Variants in NBPF11 observed in about 807,000 individuals in gnomAD.
The protein encoded by NBPF11 is NBPF family member NBPF11.
NBPF11 carries 72 observed loss-of-function variants against 93.9 expected under a neutral mutation model. The ratio of observed to expected loss-of-function variants is 0.77; its 90% CI spans 0.63 to 0.93. The LOEUF is 0.93. Among genes scored for constraint, NBPF11 ranks in the 40% least tolerant of loss-of-function variants. The probability of loss-of-function intolerance (pLI) is 0.00; values close to 1 mark genes in which losing one functional copy is unlikely to be tolerated. For missense variants in NBPF11, 705 were observed against 802.2 expected (o/e 0.88, Z 1.46); for synonymous variants, 224 against 304.9 (o/e 0.73, Z 2.76).
chr1:148,116,458 G>A lies in NBPF11; in HGVS notation c.1379+5C>T. 1 of 744,796 alleles carries A rather than the reference G, an allele frequency of 1.3e-6. No homozygotes were observed. The highest frequency in any genetic ancestry group is 2.4e-6 in the Non-Finnish European group (1 of 408,676). 46.1% of individuals were successfully genotyped at this position (744,796 alleles called of 1,614,324 possible). ...CATTAATTGTTCCTGAGTATTCAGT[G>A]TTACCTGGGGGAAGACGATTTCTGC... On this transcript the variant is annotated splice_donor_5th_base_variant and intron_variant, in intron 13 of 23. Coordinates refer to ENST00000682118, the MANE Select transcript of NBPF11 (RefSeq NM_001385469.3).
rs1448917810 is a variant in NBPF11 at position 148,108,878 on chromosome 1, C to CACAG, written c.1854-225_1854-224insCTGT. Among the ~76,000 whole-genome samples the CACAG allele has an allele frequency of 3.5e-5, 5 of 143,938 alleles. 1 individual carries two copies. The highest frequency in any genetic ancestry group is 1.3e-4 in the African/African-American group (5 of 39,238). 94.4% of individuals were successfully genotyped at this position (143,938 alleles called of 152,430 possible). ...ACACACACACACACACACACACACA[C>CACAG]ACACACACACACAGTGTGAGCTCAG... On this transcript the variant is annotated intron_variant, in intron 17 of 23. Coordinates refer to ENST00000682118, the MANE Select transcript of NBPF11 (RefSeq NM_001385469.3).
chr1:148,108,765 A>G, intron 17 of NBPF11, 111 bp from the exon 18 acceptor site: 1 of 748,394 alleles, frequency 1.3e-6, no homozygotes, highest in South Asian at 1.4e-5. Flanking sequence ...AAAAGGACAG[A>G]TCCATTAATG....
chr1:148,140,804 CA>C (rs1213063485), intron 2 of NBPF11, among the ~76,000 whole-genome samples: 1 of 151,534 alleles, frequency 6.6e-6, no homozygotes, highest in East Asian at 1.9e-4. Context: ...TAGTGGAAAT[CA>C]AAAGTGTAGT....
rs1553272501 is a variant in NBPF11, at chr1:148,124,750, T to A, written c.278+149A>T. 144 of 653,666 alleles carry A rather than the reference T, an allele frequency of 2.2e-4. No homozygotes were observed. The African/African-American group carries it at 2.4e-3, about 11-fold the overall frequency. 40.5% of individuals were successfully genotyped at this position (653,666 alleles called of 1,614,324 possible). A position where few individuals can be genotyped will look rare whatever the true frequency, so the allele number is the denominator to read the frequency against. On this transcript the variant is annotated intron_variant, in intron 6 of 23. Coordinates refer to ENST00000682118, the MANE Select transcript of NBPF11 (RefSeq NM_001385469.3). ...ACAGAACTTATTATTATCCTTGTTC[T>A]CTGATAAATATTTGTGTGTCATGAG...
intron 4 of NBPF11, chr1:148,129,347 C>G (rs1292957757): frequency 3.4e-5 from 5 of 149,040 alleles, no homozygotes; most frequent in Admixed American, 3.3e-4. Context: ...AGTGGCGGAG[C>G]GAGGGCTACT....
chr1:148,137,871 C>T (rs1454947387), intron 2 of NBPF11, 62 bp from the exon 3 acceptor site: 4 of 143,120 alleles, frequency 2.8e-5, no homozygotes, highest in Non-Finnish European at 6.1e-5. Context: ...GTGGGCGTTT[C>T]TCGTTAGGTG....
intron 11 of NBPF11, among the ~76,000 whole-genome samples, chr1:148,117,997 G>A (rs1365710471): frequency 1.3e-5 from 2 of 151,672 alleles, no homozygotes; most frequent in Non-Finnish European, 2.9e-5. Context: ...CAAGATCCTC[G>A]ATGATGTTCC....
At position 148,102,571 on chromosome 1, in the gene NBPF11, A is replaced by G. The variant is rs1662578022; in HGVS notation, c.*1325T>C. 1 of 151,476 alleles carries G rather than the reference A, an allele frequency of 6.6e-6. No homozygotes were observed. Among genetic ancestry groups the G allele is most frequent in the Non-Finnish European group, 1.5e-5 (1 of 68,016 alleles). The allele number at this position is 151,476 out of a possible 1,614,324, so 9.4% of individuals were successfully genotyped here. A position where few individuals can be genotyped will look rare whatever the true frequency, so the allele number is the denominator to read the frequency against. On this transcript the variant is annotated 3_prime_UTR_variant, in exon 24 of 24. Coordinates refer to ENST00000682118, the MANE Select transcript of NBPF11 (RefSeq NM_001385469.3). Reference sequence around the variant, plus strand: ...TGGAAACTCACAGCATTGTCTCTGCAGTGTTCCCGTCAAAAAGTTTAGGCT... The same window carrying G: ...TGGAAACTCACAGCATTGTCTCTGCGGTGTTCCCGTCAAAAAGTTTAGGCT...
At chr1:148,123,682 C>T (rs1398514645) in intron 7 of NBPF11, among the ~76,000 whole-genome samples, 171 bp downstream of exon 7, 1 of 151,988 alleles carries the variant, frequency 6.6e-6, no homozygotes, top group Non-Finnish European at 1.5e-5. Context: ...GACCTCCAAA[C>T]CGATGGGTTT....
intron 1 of NBPF11, among the ~76,000 whole-genome samples, chr1:148,148,820 G>A (rs1647421047): frequency 6.6e-6 from 1 of 151,858 alleles, no homozygotes; most frequent in Non-Finnish European, 1.5e-5. Flanking sequence ...ACAGTTCCCA[G>A]TGTGCACCTA....
At chr1:148,146,449 C>T in intron 1 of NBPF11, 1 of 1,604,512 alleles carries the variant, frequency 6.2e-7, no homozygotes, top group South Asian at 1.1e-5. Context: ...CCCTCCCTGC[C>T]CCGGCCGCAT....
chr1:148,125,576 TGA>T (rs1161585732), intron 5 of NBPF11, among the ~76,000 whole-genome samples: 1 of 152,072 alleles, frequency 6.6e-6, no homozygotes, highest in African/African-American at 2.4e-5. Context: ...TTTATTAGTA[TGA>T]GAGGCAGCAT....
chr1:148,132,097 T>C (rs1270125805), intron 4 of NBPF11, among the ~76,000 whole-genome samples: 1 of 147,422 alleles, frequency 6.8e-6, no homozygotes, highest in South Asian at 2.2e-4. Context: ...AATTGTTTCA[T>C]TGTGCTGTTT....
intron 1 of NBPF11, chr1:148,149,100 G>C (rs1423738964): frequency 2.7e-6 from 4 of 1,479,584 alleles, no homozygotes; most frequent in African/African-American, 1.4e-5. Flanking sequence ...GGGGACGCCC[G>C]CTGGTGGGAA....
Position 148,120,565 on chromosome 1 carries a change from G to T in NBPF11, c.924C>A (p.Ser308Arg). The T allele has an allele frequency of 1.6e-6, 2 of 1,233,896 alleles. No homozygotes were observed. The highest frequency in any genetic ancestry group is 2.4e-6 in the Non-Finnish European group (2 of 833,900). 76.4% of individuals were successfully genotyped at this position (1,233,896 alleles called of 1,614,324 possible). A position where few individuals can be genotyped will look rare whatever the true frequency, so the allele number is the denominator to read the frequency against. Residue 308 changes from serine (S) to arginine (R), a missense_variant, in exon 10 of 24, where the codon AGC becomes AGA. Ser to Arg is a moderately radical substitution (Grantham distance 110). Coordinates refer to ENST00000682118, the MANE Select transcript of NBPF11 (RefSeq NM_001385469.3). Reference protein sequence around the residue: ...QLAEKKQQFRSLKEKCFVTQV... With the variant: ...QLAEKKQQFRRLKEKCFVTQV... ...GAGTTACAAAACATTTCTCTTTGAG[G>T]CTTCTGAACTGCTGTTTCTTCTCTG...
chr1:148,149,194 C>A, intron 1 of NBPF11: 2 of 1,576,144 alleles, frequency 1.3e-6, no homozygotes, highest in Non-Finnish European at 1.7e-6. Flanking sequence ...TCATCCTGTA[C>A]GGGCAGAGCA....
At chr1:148,127,841 A>T in intron 4 of NBPF11, among the ~76,000 whole-genome samples, 1 of 149,642 alleles carries the variant, frequency 6.7e-6, no homozygotes. Context: ...TATTTTTAGT[A>T]GAGACGGGGT....
chr1:148,149,525 C>T (rs1474689882), intron 1 of NBPF11: 7 of 1,593,688 alleles, frequency 4.4e-6, no homozygotes, highest in South Asian at 1.1e-5. Flanking sequence ...GGAGCGCCTG[C>T]GTCGCTTCAT....
chr1:148,109,179 G>C lies in NBPF11; in HGVS notation c.1853+105C>G, dbSNP rs1209283037. On this transcript the variant is annotated intron_variant, in intron 17 of 23. Coordinates refer to ENST00000682118, the MANE Select transcript of NBPF11 (RefSeq NM_001385469.3). Reference sequence around the variant, plus strand: ...AATGCAGTAGGCATAATTCAGACTTGTCTGACAAGACAAAATCATGATTTT... The same window carrying C: ...AATGCAGTAGGCATAATTCAGACTTCTCTGACAAGACAAAATCATGATTTT... 62 of 912,198 alleles carry C rather than the reference G, an allele frequency of 6.8e-5. 1 individual carries two copies. In the African/African-American group the frequency reaches 8.9e-4, roughly 13 times the overall value. 56.5% of individuals were successfully genotyped at this position (912,198 alleles called of 1,614,324 possible).
Sources: gnomAD v4.1 joint callset for allele counts (sites outside exome capture counted in the v4.1 genomes callset) on GRCh38, gnomAD v4.1.1 for gene constraint, MANE v1.5 for transcripts, NCBI Gene and HGNC (gene_info 2026-07-23, HGNC 2026-07-21) for gene names.